The following KCNQ3 variants were observed in gnomAD, a reference collection of about 807,000 sequenced individuals.
KCNQ3 encodes potassium voltage-gated channel subfamily Q member 3, also known as potassium voltage-gated channel subfamily KQT member 3.
A neutral mutation model predicts 92.5 loss-of-function variants in KCNQ3; 30 were observed. The ratio of observed to expected loss-of-function variants is 0.32; its 90% CI spans 0.24 to 0.44. KCNQ3 has a LOEUF of 0.44. Ranked by LOEUF, KCNQ3 falls within the 20% of genes least tolerant of loss-of-function variation. The pLI is 1.00. For synonymous variants in KCNQ3, 450 were observed against 468.8 expected (o/e 0.96, Z 0.52); for missense variants, 913 against 1,140.3 (o/e 0.80, Z 2.87).
intron 1 of KCNQ3, among the ~76,000 whole-genome samples, chr8:132,457,407 C>T (rs1821966758): frequency 6.6e-6 from 1 of 152,194 alleles, no homozygotes; most frequent in Admixed American, 6.5e-5. Flanking sequence ...AGCTTCATCT[C>T]TTGTTTCATC....
At chr8:132,197,930 A>G (rs1258415970) in intron 1 of KCNQ3, among the ~76,000 whole-genome samples, 1 of 152,222 alleles carries the variant, frequency 6.6e-6, no homozygotes. Context: ...TTCAGAGTCC[A>G]GCTGTGGCAA....
chr8:132,255,230 G>A (rs1179726430), intron 1 of KCNQ3, among the ~76,000 whole-genome samples: 2 of 151,950 alleles, frequency 1.3e-5, no homozygotes, highest in Non-Finnish European at 2.9e-5. Flanking sequence ...CACTTCCCAG[G>A]TAGCTGTCAT....
At chr8:132,280,281 A>G (rs1314667414) in intron 1 of KCNQ3, among the ~76,000 whole-genome samples, 2 of 152,176 alleles carry the variant, frequency 1.3e-5, no homozygotes, top group Non-Finnish European at 2.9e-5. Flanking sequence ...AAGGTAGGGT[A>G]ACTTATAAGA....
intron 1 of KCNQ3, among the ~76,000 whole-genome samples, chr8:132,232,548 G>T (rs1294484687): frequency 6.6e-6 from 1 of 152,212 alleles, no homozygotes; most frequent in Non-Finnish European, 1.5e-5. Flanking sequence ...AGCATTGGCT[G>T]TTATTTTGAC....
At chr8:132,167,663 C>T (rs778767449) in intron 8 of KCNQ3, among the ~76,000 whole-genome samples, 16 of 152,142 alleles carry the variant, frequency 1.1e-4, no homozygotes, top group East Asian at 1.9e-4. Context: ...ATTATACTTT[C>T]GTCCTTGAAA....
chr8:132,450,992 C>A (rs1821805894), intron 1 of KCNQ3, among the ~76,000 whole-genome samples: 1 of 152,198 alleles, frequency 6.6e-6, no homozygotes, highest in African/African-American at 2.4e-5. Context: ...TTCTGAAGAG[C>A]TTTTACTCAT....
chr8:132,428,238 T>C (rs1220000794), intron 1 of KCNQ3, among the ~76,000 whole-genome samples: 1 of 152,166 alleles, frequency 6.6e-6, no homozygotes, highest in East Asian at 1.9e-4. Context: ...CCCCCTCCTC[T>C]TTAAGATCTT....
chr8:132,454,019 C>G (rs1821884826), intron 1 of KCNQ3, among the ~76,000 whole-genome samples: 1 of 152,192 alleles, frequency 6.6e-6, no homozygotes, highest in South Asian at 2.1e-4. Flanking sequence ...TAAACACAGA[C>G]CTCATGCCTA....
In KCNQ3 at chr8:132,463,433, A is replaced by G. The variant is rs575898226; in HGVS notation, c.386+16714T>C. Among the ~76,000 whole-genome samples, 32 of 152,366 alleles carry G rather than the reference A, an allele frequency of 2.1e-4. 1 individual carries two copies. The South Asian group carries it at 6.6e-3, about 32-fold the overall frequency. ...AATTCATTTTCTACAAGATGAAAAC[A>G]TAATTTACTCAGGAAAGAAATCCGC... is the stretch of plus-strand genomic sequence containing the variant. On this transcript the variant is annotated intron_variant, in intron 1 of 14. Coordinates refer to ENST00000388996, the MANE Select transcript of KCNQ3 (RefSeq NM_004519.4).
chr8:132,437,320 G>C (rs1821423410), intron 1 of KCNQ3, among the ~76,000 whole-genome samples: 2 of 151,824 alleles, frequency 1.3e-5, no homozygotes, highest in South Asian at 4.2e-4. Flanking sequence ...TAAAAAAAAA[G>C]AGTGGGGTGG....
chr8:132,436,608 GTTTC>G (rs1313542733), intron 1 of KCNQ3, among the ~76,000 whole-genome samples: 17 of 152,040 alleles, frequency 1.1e-4, no homozygotes, highest in Non-Finnish European at 7.4e-5. Flanking sequence ...AAATATTTTT[GTTTC>G]TTTGTTTCAA....
At chr8:132,468,316 C>T (rs747657585) in intron 1 of KCNQ3, among the ~76,000 whole-genome samples, 12 of 152,174 alleles carry the variant, frequency 7.9e-5, no homozygotes, top group Non-Finnish European at 1.8e-4. Flanking sequence ...GGACACATGG[C>T]CTGGGCTAGA....
intron 1 of KCNQ3, 29 bp downstream of exon 1, chr8:132,480,118 G>A (rs765476155): frequency 1.9e-6 from 3 of 1,600,436 alleles, no homozygotes; most frequent in South Asian, 1.1e-5. Context: ...CGCCGCCGCC[G>A]AGGGCGCCCC....
At chr8:132,162,465 T>C (rs892154941) in intron 9 of KCNQ3, among the ~76,000 whole-genome samples, 1 of 152,156 alleles carries the variant, frequency 6.6e-6, no homozygotes, top group Admixed American at 6.5e-5. Context: ...TTGGTTTCCA[T>C]AGAATTATCT....
At chr8:132,400,128 G>C (rs910232184) in intron 1 of KCNQ3, among the ~76,000 whole-genome samples, 51 of 152,306 alleles carry the variant, frequency 3.3e-4, no homozygotes, top group African/African-American at 1.0e-3. Context: ...CATGTTCAGG[G>C]CAACAGACAA....
intron 1 of KCNQ3, among the ~76,000 whole-genome samples, chr8:132,309,610 CA>C (rs958724587): frequency 2.0e-5 from 3 of 152,236 alleles, no homozygotes; most frequent in African/African-American, 7.2e-5. Flanking sequence ...AAGCGAGCTG[CA>C]ACACCAAATA....
At chr8:132,421,231 A>T (rs1349697747) in intron 1 of KCNQ3, among the ~76,000 whole-genome samples, 6 of 152,238 alleles carry the variant, frequency 3.9e-5, no homozygotes. Context: ...TTTGATGACT[A>T]AATATATTCA....
chr8:132,140,723 G>T (rs1825265232), intron 10 of KCNQ3: 1 of 280,708 alleles, frequency 3.6e-6, no homozygotes. Context: ...AGGCACATGA[G>T]GCCATGGCTC....
intron 9 of KCNQ3, among the ~76,000 whole-genome samples, chr8:132,147,570 T>C (rs1208157604): frequency 6.6e-6 from 1 of 152,110 alleles, no homozygotes; most frequent in Non-Finnish European, 1.5e-5. Context: ...GGTAGATGAA[T>C]GGATGGATAA....
Sources: allele counts gnomAD v4.1 joint callset (sites outside exome capture counted in the v4.1 genomes callset), GRCh38; gene constraint gnomAD v4.1.1; transcripts MANE v1.5; gene names NCBI Gene and HGNC (gene_info 2026-07-23, HGNC 2026-07-21).